The following TOP3B variants were observed in gnomAD, a reference collection of about 807,000 sequenced individuals.
TOP3B encodes DNA topoisomerase III beta.
Under a neutral mutation model 93.9 loss-of-function variants are expected in TOP3B, and 45 were observed. That is an observed-to-expected ratio of 0.48 (90% CI 0.38 to 0.61). The LOEUF is 0.61. TOP3B is among the 20% of genes least tolerant of loss of function. TOP3B has a pLI of 0.00. For synonymous variants in TOP3B, 357 were observed against 472.6 expected (o/e 0.76, Z 3.17); for missense variants, 750 against 1,156.1 (o/e 0.65, Z 5.09).
chr22:21,964,788 A>T, intron 9 of TOP3B: 1 of 184,372 alleles, frequency 5.4e-6, no homozygotes, highest in South Asian at 1.3e-4. Flanking sequence ...CTACTCCCTG[A>T]CCAGCAGAGG....
intron 16 of TOP3B, 65 bp from the exon 17 acceptor site, chr22:21,958,758 C>A: frequency 1.3e-6 from 2 of 1,499,824 alleles, no homozygotes; most frequent in Non-Finnish European, 8.9e-7. Context: ...CCCACCCCCA[C>A]TCCTCTCATA....
Position 21,960,367 on chromosome 22 carries a change from C to T in TOP3B, c.1608G>A (p.Lys536=). 6.2e-7 allele frequency: 1 copy of T among 1,613,672 alleles called. No individual in the cohort carries two copies. Among genetic ancestry groups the T allele is most frequent in the Non-Finnish European group, 8.5e-7 (1 of 1,179,980 alleles). Reference sequence around the variant, plus strand: ...CCAGGACGATGCCGAGGTTGGTGGGCTTGAGCCGGCGCCCGCTCTCCACCG... The same window carrying T: ...CCAGGACGATGCCGAGGTTGGTGGGTTTGAGCCGGCGCCCGCTCTCCACCG... ...YVTVESGRRL[K]PTNLGIVLVH... The change falls in exon 14 of 18, where the codon AAG becomes AAA. Residue 536 remains lysine (K), a synonymous_variant. Coordinates refer to ENST00000357179, the MANE Select transcript of TOP3B (RefSeq NM_001282112.2).
Position 21,972,726 on chromosome 22 carries a change from C to G in TOP3B, c.203-8G>C. ...CCCATTTGTTGTATTTTCCTACAAA[C>G]CAGTCACAGTGACATTGAGTCACAG... On this transcript the variant is annotated splice_region_variant and splice_polypyrimidine_tract_variant and intron_variant, in intron 3 of 17. Transcript: ENST00000357179. 1 of 1,610,638 alleles carries G rather than the reference C, an allele frequency of 6.2e-7. No individual in the cohort carries two copies. The highest frequency in any genetic ancestry group is 1.3e-5 in the African/African-American group (1 of 74,960).
Position 21,971,013 on chromosome 22 carries a change from C to T in TOP3B, c.385-607G>A. ...CCGTGCAGTGGGACTAGGGTCGCCG[C>T]CGGAGCCTGGCCACGCAGCTTCCTT... On this transcript the variant is annotated intron_variant, in intron 5 of 17. Coordinates refer to ENST00000357179, the MANE Select transcript of TOP3B (RefSeq NM_001282112.2). The surrounding 1 kb of genome is among the most constrained non-coding windows in gnomAD (Gnocchi z 4.6). 2.3e-6 allele frequency: 3 copies of T among 1,299,882 alleles called. No individual in the cohort carries two copies. The highest frequency in any genetic ancestry group is 3.0e-6 in the Non-Finnish European group (3 of 986,556). 80.5% of individuals were successfully genotyped at this position (1,299,882 alleles called of 1,614,324 possible). A position where few individuals can be genotyped will look rare whatever the true frequency, so the allele number is the denominator to read the frequency against.
chr22:21,959,041 G>T, intron 16 of TOP3B, 91 bp downstream of exon 16: 2 of 1,542,480 alleles, frequency 1.3e-6, no homozygotes, highest in Non-Finnish European at 1.8e-6. Flanking sequence ...GTGACAACCA[G>T]GACAAAGAAC....
intron 15 of TOP3B, 168 bp downstream of exon 15, chr22:21,959,419 T>C (rs1286861785): frequency 2.7e-6 from 4 of 1,490,238 alleles, no homozygotes; most frequent in African/African-American, 2.8e-5. Context: ...GTGGTGTTAA[T>C]GCACCTGCTC....
At chr22:21,961,932 A>C in intron 13 of TOP3B, 1 of 281,162 alleles carries the variant, frequency 3.6e-6, no homozygotes, top group Non-Finnish European at 6.4e-6. Flanking sequence ...GCTTTGATAA[A>C]CTCCCTGGGC....
intron 13 of TOP3B, 111 bp downstream of exon 13, chr22:21,962,318 G>A: frequency 6.3e-7 from 1 of 1,598,824 alleles, no homozygotes; most frequent in Non-Finnish European, 8.5e-7. Flanking sequence ...ACCAGCCCAT[G>A]GAGGGGTGCT....
At chr22:21,974,857 C>T (rs1476839811) in intron 2 of TOP3B, 4 of 165,720 alleles carry the variant, frequency 2.4e-5, no homozygotes, top group Admixed American at 6.1e-5. Context: ...GATCTACTCT[C>T]GGTTACCAGG....
rs886360706 is a variant in TOP3B, at chr22:21,974,205, A to T, written c.202+152T>A. ...CTGGGTTCTGGGCACCGCACCAGGG[A>T]CCCTCTCATTGCTACTTCATGATCT... is the stretch of plus-strand genomic sequence containing the variant. On this transcript the variant is annotated intron_variant, in intron 3 of 17. Transcript: ENST00000357179. 1.4e-5 allele frequency: 14 copies of T among 966,738 alleles called. No homozygotes were observed. The African/African-American group carries it at 2.0e-4, about 14-fold the overall frequency. The allele number at this position is 966,738 out of a possible 1,614,324, so 59.9% of individuals were successfully genotyped here.
Position 21,975,798 on chromosome 22 carries a change from A to G in TOP3B, c.-89T>C, listed in dbSNP as rs2071843386. 1.4e-6 allele frequency: 2 copies of G among 1,477,114 alleles called. No individual in the cohort carries two copies. Among genetic ancestry groups the G allele is most frequent in the South Asian group, 2.7e-5 (2 of 73,716 alleles). The allele number at this position is 1,477,114 out of a possible 1,614,324, so 91.5% of individuals were successfully genotyped here. On this transcript the variant is annotated 5_prime_UTR_variant, in exon 2 of 18. Coordinates refer to ENST00000357179, the MANE Select transcript of TOP3B (RefSeq NM_001282112.2). Reference sequence around the variant, plus strand: ...CTTCCGCAGCACAGCACTATTACCAATGCTGACTCCTAAAGAGAAGAAAAG... The same window carrying G: ...CTTCCGCAGCACAGCACTATTACCAGTGCTGACTCCTAAAGAGAAGAAAAG...
In TOP3B at chr22:21,958,586, GA is replaced by G. The variant is rs1569139149; in HGVS notation, c.2012del (p.Phe671SerfsTer30). On this transcript the variant is annotated frameshift_variant, in exon 17 of 18. Coordinates refer to ENST00000357179, the MANE Select transcript of TOP3B (RefSeq NM_001282112.2). LOFTEE classifies it high-confidence loss of function. ...AGCCTGATGACCACAGGACCAGCTC[GA>G]AGTCATCCAGAGGGCAGCGGAGCTC... ...YKELRCPLDD[F>X]ELVLWSSGSR... The G allele has an allele frequency of 6.2e-7, 1 of 1,614,144 alleles. No individual in the cohort carries two copies. Among genetic ancestry groups the G allele is most frequent in the Admixed American group, 1.7e-5 (1 of 60,026 alleles).
intron 1 of TOP3B, among the ~76,000 whole-genome samples, chr22:21,979,415 G>GA (rs2084568380): frequency 6.6e-6 from 1 of 152,022 alleles, no homozygotes; most frequent in Non-Finnish European, 1.5e-5. Flanking sequence ...GGTAGAGAGT[G>GA]AAGTCACCTG....
Position 21,967,839 on chromosome 22 carries a change from T to G in TOP3B, c.739-123A>C. 4 of 721,134 alleles carry G rather than the reference T, an allele frequency of 5.5e-6. No individual in the cohort carries two copies. The South Asian group carries it at 6.5e-5, about 12-fold the overall frequency. 44.7% of individuals were successfully genotyped at this position (721,134 alleles called of 1,614,324 possible). A position where few individuals can be genotyped will look rare whatever the true frequency, so the allele number is the denominator to read the frequency against. ...GGGAGCCAAATAGCCCTGGCTGTAATGGCTCACAGCTGTACCTGTTCAGGT... is the reference window on the plus strand; with the variant it reads ...GGGAGCCAAATAGCCCTGGCTGTAAGGGCTCACAGCTGTACCTGTTCAGGT... On this transcript the variant is annotated intron_variant, in intron 7 of 17. Coordinates refer to ENST00000357179, the MANE Select transcript of TOP3B (RefSeq NM_001282112.2).
intron 1 of TOP3B, chr22:21,977,008 G>T (rs2071900454): frequency 6.6e-6 from 1 of 152,142 alleles, no homozygotes; most frequent in South Asian, 2.1e-4. Context: ...AAAAACATGT[G>T]CTTTTAAAAT....
intron 9 of TOP3B, chr22:21,964,704 C>T (rs903325775): frequency 6.6e-5 from 16 of 240,726 alleles, no homozygotes; most frequent in South Asian, 2.8e-4. Flanking sequence ...AGAGTTAGCA[C>T]GCAGCCCCAT....
At chr22:21,982,028 A>C (rs866810095) in intron 1 of TOP3B, among the ~76,000 whole-genome samples, 3 of 152,262 alleles carry the variant, frequency 2.0e-5, no homozygotes, top group Middle Eastern at 6.8e-3. Flanking sequence ...CAGGTGTTGT[A>C]ATTTTTTAAA....
chr22:21,970,309 C>G lies in TOP3B; in HGVS notation c.482G>C (p.Cys161Ser), dbSNP rs2071584771. ...CTCGCCTAGGCAGGCCATGGCATTA[C>G]AGATGTCTGTGTCCGTGATGGAGCT... ...RFSSITDTDICNAMACLGEPD... is the reference protein window; with the variant it reads ...RFSSITDTDISNAMACLGEPD... The change falls in exon 6 of 18, where the codon TGT (cysteine) becomes TCT (serine). Residue 161 changes from cysteine (C) to serine (S), a missense_variant. Around this residue, in one of 4 missense-constraint regions of TOP3B, gnomAD observed 737 missense variants for 933.7 expected, o/e 0.79. Coordinates refer to ENST00000357179, the MANE Select transcript of TOP3B (RefSeq NM_001282112.2). The surrounding 1 kb of genome is among the most constrained non-coding windows in gnomAD (Gnocchi z 4.4). 1.2e-6 allele frequency: 2 copies of G among 1,614,120 alleles called. No homozygotes were observed. Among genetic ancestry groups the G allele is most frequent in the Non-Finnish European group, 8.5e-7 (1 of 1,180,014 alleles).
Position 21,971,772 on chromosome 22 carries a change from A to T in TOP3B, c.384+105T>A. On this transcript the variant is annotated intron_variant, in intron 5 of 17. Transcript: ENST00000357179. This position sits in a 1 kb window ranked among gnomAD's most constrained non-coding sequence, Gnocchi z 4.6. Reference sequence around the variant, plus strand: ...AGGTGTTTTTAAACCGGTACAGTTTACTCCCTCCTTTGGCCCCAGGAGTGA... The same window carrying T: ...AGGTGTTTTTAAACCGGTACAGTTTTCTCCCTCCTTTGGCCCCAGGAGTGA... 1 of 965,106 alleles carries T rather than the reference A, an allele frequency of 1.0e-6. No individual in the cohort carries two copies. Among genetic ancestry groups the T allele is most frequent in the Non-Finnish European group, 1.7e-6 (1 of 599,036 alleles). 59.8% of individuals were successfully genotyped at this position (965,106 alleles called of 1,614,324 possible). A position where few individuals can be genotyped will look rare whatever the true frequency, so the allele number is the denominator to read the frequency against.
Sources: gnomAD v4.1 joint callset for allele counts (sites outside exome capture counted in the v4.1 genomes callset) on GRCh38, gnomAD v4.1.1 for gene constraint, gnomAD v4.1.1 regional missense constraint, Gnocchi (gnomAD v3.1) non-coding constraint, MANE v1.5 for transcripts, NCBI Gene and HGNC (gene_info 2026-07-23, HGNC 2026-07-21) for gene names.